The following MEF2C variants were observed in gnomAD, a reference collection of about 807,000 sequenced individuals.
MEF2C encodes the protein myocyte enhancer factor 2C.
MEF2C carries 6 observed loss-of-function variants against 50.5 expected under a neutral mutation model. The observed-to-expected ratio is 0.12, with a 90% confidence interval of 0.07 to 0.23. The LOEUF (loss-of-function observed/expected upper bound fraction) is 0.23, where lower values mean the gene tolerates loss of function less well. Ranked by LOEUF, MEF2C falls within the 10% of genes least tolerant of loss-of-function variation. MEF2C has a pLI of 1.00. For missense variants in MEF2C, 276 were observed against 605.0 expected (o/e 0.46, Z 5.70); for synonymous variants, 183 against 228.0 (o/e 0.80, Z 1.78).
chr5:88,891,547 C>G (rs989613698), intron 1 of MEF2C, among the ~76,000 whole-genome samples: 2 of 152,026 alleles, frequency 1.3e-5, no homozygotes, highest in East Asian at 3.9e-4. Context: ...GGACTACAGG[C>G]GTCCACCACC....
At chr5:88,750,203 C>T in intron 5 of MEF2C, 1 of 522,106 alleles carries the variant, frequency 1.9e-6, no homozygotes, top group Non-Finnish European at 2.4e-6. Context: ...CATATATATA[C>T]ACGATTTTTT....
chr5:88,890,507 T>C (rs1379235395), intron 1 of MEF2C, among the ~76,000 whole-genome samples: 2 of 152,230 alleles, frequency 1.3e-5, no homozygotes, highest in Non-Finnish European at 2.9e-5. Flanking sequence ...AAATAAATTC[T>C]GTCCCTCAGT....
intron 4 of MEF2C, among the ~76,000 whole-genome samples, chr5:88,755,459 T>G (rs983956845): frequency 6.6e-6 from 1 of 152,208 alleles, no homozygotes; most frequent in Non-Finnish European, 1.5e-5. Flanking sequence ...AATACTGTAG[T>G]CAGAAATCAT....
intron 1 of MEF2C, among the ~76,000 whole-genome samples, chr5:88,876,672 A>T (rs754101232): frequency 8.6e-5 from 13 of 152,028 alleles, no homozygotes; most frequent in Non-Finnish European, 1.6e-4. Flanking sequence ...TTGGGGAAGG[A>T]TGCACATTCT....
At chr5:88,735,693 G>A (rs1460210571) in intron 6 of MEF2C, 5 of 985,208 alleles carry the variant, frequency 5.1e-6, no homozygotes, top group South Asian at 4.7e-5. Context: ...GTGGTGTTAG[G>A]AGAAAAACAT....
intron 5 of MEF2C, chr5:88,751,045 T>G (rs2152516707): frequency 1.0e-6 from 1 of 965,576 alleles, no homozygotes; most frequent in South Asian, 4.8e-5. Flanking sequence ...TTTGTTATAT[T>G]CAATACGCAT....
At chr5:88,810,682 C>G (rs528281594) in intron 2 of MEF2C, among the ~76,000 whole-genome samples, 1 of 151,972 alleles carries the variant, frequency 6.6e-6, no homozygotes, top group East Asian at 1.9e-4. Context: ...TTAATGAGGC[C>G]GACTTAATTG....
chr5:88,764,682 C>T (rs2152709798), intron 3 of MEF2C, among the ~76,000 whole-genome samples: 1 of 151,954 alleles, frequency 6.6e-6, no homozygotes, highest in African/African-American at 2.4e-5. Flanking sequence ...GTGGCGCACG[C>T]CTGTAATTGC....
At chr5:88,813,549 A>G (rs947787371) in intron 2 of MEF2C, among the ~76,000 whole-genome samples, 1 of 152,102 alleles carries the variant, frequency 6.6e-6, no homozygotes, top group African/African-American at 2.4e-5. Flanking sequence ...CTTGCAGGAA[A>G]GAGTTCTGAA....
chr5:88,743,901 T>A (rs966413423), intron 6 of MEF2C: 1 of 915,238 alleles, frequency 1.1e-6, no homozygotes, highest in African/African-American at 1.8e-5. Context: ...TAATTTACAA[T>A]AAATGCCAAT....
intron 10 of MEF2C, among the ~76,000 whole-genome samples, chr5:88,728,079 T>C (rs1229642875): frequency 1.3e-5 from 2 of 152,050 alleles, no homozygotes; most frequent in African/African-American, 2.4e-5. Context: ...TGTGTATCAA[T>C]TGACTAGTTG....
intron 6 of MEF2C, chr5:88,743,194 G>C: frequency 1.0e-6 from 1 of 961,738 alleles, no homozygotes; most frequent in Non-Finnish European, 1.2e-6. Context: ...TCTTATTTGA[G>C]GGTAATTAAG....
chr5:88,749,430 TGAAA>T (rs1771550209), intron 5 of MEF2C: 1 of 984,660 alleles, frequency 1.0e-6, no homozygotes, highest in Admixed American at 6.1e-5. Flanking sequence ...TTATAGAAAG[TGAAA>T]GAAAGAGTAA....
chr5:88,775,618 T>C (rs1784396030), intron 3 of MEF2C, among the ~76,000 whole-genome samples: 1 of 152,230 alleles, frequency 6.6e-6, no homozygotes, highest in Non-Finnish European at 1.5e-5. Flanking sequence ...CAAATTCATC[T>C]CAATTTATTT....
At chr5:88,773,066 G>A (rs535230107) in intron 3 of MEF2C, among the ~76,000 whole-genome samples, 1 of 152,254 alleles carries the variant, frequency 6.6e-6, no homozygotes, top group Admixed American at 6.5e-5. Context: ...AGTCACAGCC[G>A]CCTGTGGCTG....
intron 2 of MEF2C, among the ~76,000 whole-genome samples, chr5:88,810,205 T>C (rs1380001723): frequency 6.6e-6 from 1 of 152,136 alleles, no homozygotes; most frequent in African/African-American, 2.4e-5. Context: ...CTCTCAAAAA[T>C]AGAGATTTTG....
intron 1 of MEF2C, among the ~76,000 whole-genome samples, chr5:88,850,740 A>G (rs943441397): frequency 1.3e-5 from 2 of 151,972 alleles, no homozygotes; most frequent in African/African-American, 4.8e-5. Flanking sequence ...ACACACACAC[A>G]TACATATAAT....
At chr5:88,798,452 C>T (rs180895811) in intron 3 of MEF2C, among the ~76,000 whole-genome samples, 31 of 152,034 alleles carry the variant, frequency 2.0e-4, no homozygotes, top group Admixed American at 1.6e-3. Context: ...CTCGTGTATG[C>T]TTAACAAAGT....
chr5:88,754,957 G>A (rs1774617748), intron 4 of MEF2C, among the ~76,000 whole-genome samples: 1 of 152,028 alleles, frequency 6.6e-6, no homozygotes. Flanking sequence ...CCTCCTTCAA[G>A]TCTCTGCTCA....
Sources: allele counts gnomAD v4.1 joint callset (sites outside exome capture counted in the v4.1 genomes callset), GRCh38; gene constraint gnomAD v4.1.1; transcripts MANE v1.5; gene names NCBI Gene and HGNC (gene_info 2026-07-23, HGNC 2026-07-21).